Variants in SORBS2 observed in about 807,000 individuals in gnomAD.
The protein encoded by SORBS2 is sorbin and SH3 domain-containing protein 2.
Under a neutral mutation model 97.7 loss-of-function variants are expected in SORBS2, and 46 were observed. The observed-to-expected ratio is 0.47, with a 90% CI of 0.37 to 0.60. The LOEUF (loss-of-function observed/expected upper bound fraction) is 0.60. SORBS2 is among the 20% of genes least tolerant of loss of function. The probability of loss-of-function intolerance (pLI) is 0.00; values close to 1 mark genes in which losing one functional copy is unlikely to be tolerated. For missense variants in SORBS2, 1,316 were observed against 1,282.3 expected (o/e 1.03, Z -0.40); for synonymous variants, 476 against 473.4 (o/e 1.01, Z -0.07).
intron 2 of SORBS2, among the ~76,000 whole-genome samples, chr4:185,706,268 A>G (rs548588737): frequency 1.9e-4 from 29 of 152,330 alleles, no homozygotes; most frequent in African/African-American, 7.0e-4. Flanking sequence ...TAATACAAAT[A>G]TTCATTTTAG....
intron 1 of SORBS2, among the ~76,000 whole-genome samples, chr4:185,840,019 G>A (rs1317267364): frequency 1.3e-5 from 2 of 152,104 alleles, no homozygotes; most frequent in African/African-American, 4.8e-5. Flanking sequence ...AGTGGAAAGA[G>A]AGGAGAGGAG....
At chr4:185,843,396 G>A (rs975275754) in intron 1 of SORBS2, among the ~76,000 whole-genome samples, 8 of 152,072 alleles carry the variant, frequency 5.3e-5, no homozygotes, top group Non-Finnish European at 7.4e-5. Context: ...TAGAATAAAA[G>A]AGAAATAAAA....
intron 1 of SORBS2, among the ~76,000 whole-genome samples, chr4:185,787,310 G>A (rs1261254868): frequency 6.6e-6 from 1 of 152,178 alleles, no homozygotes; most frequent in African/African-American, 2.4e-5. Context: ...GGCTTGACTT[G>A]TTTAAGTGAA....
chr4:185,894,683 C>A (rs1002172380), intron 1 of SORBS2, among the ~76,000 whole-genome samples: 2 of 152,158 alleles, frequency 1.3e-5, no homozygotes, highest in African/African-American at 4.8e-5. Flanking sequence ...TGAGGTTCAG[C>A]CAATCAGCTC....
At chr4:185,726,997 A>G (rs1440493767) in intron 2 of SORBS2, among the ~76,000 whole-genome samples, 1 of 152,180 alleles carries the variant, frequency 6.6e-6, no homozygotes, top group Non-Finnish European at 1.5e-5. Flanking sequence ...CAGAGAATCA[A>G]CTACAGTGTA....
At chr4:185,693,799 C>T (rs79870297) in intron 2 of SORBS2, among the ~76,000 whole-genome samples, 25,954 of 152,100 alleles carry the variant, frequency 0.17, 2,844 homozygotes, top group South Asian at 0.35. Flanking sequence ...GTTATCAACA[C>T]CTATTGTTTG....
At chr4:185,916,000 G>C (rs1253989894) in intron 1 of SORBS2, among the ~76,000 whole-genome samples, 1 of 152,178 alleles carries the variant, frequency 6.6e-6, no homozygotes, top group Non-Finnish European at 1.5e-5. Flanking sequence ...TCAACGATCT[G>C]TATGAACTTG....
chr4:185,607,307 A>G lies in SORBS2; in HGVS notation c.2796+4473T>C. 1 of 1,286,574 alleles carries G rather than the reference A, an allele frequency of 7.8e-7. No individual in the cohort carries two copies. Among genetic ancestry groups the G allele is most frequent in the Non-Finnish European group, 1.0e-6 (1 of 987,352 alleles). The allele number at this position is 1,286,574 out of a possible 1,614,324, so 79.7% of individuals were successfully genotyped here. A position where few individuals can be genotyped will look rare whatever the true frequency, so the allele number is the denominator to read the frequency against. On this transcript the variant is annotated intron_variant, in intron 12 of 14. Coordinates refer to ENST00000418609, the Ensembl canonical transcript of SORBS2. The surrounding 1 kb of genome is among the most constrained non-coding windows in gnomAD (Gnocchi z 5.2). Reference sequence around the variant, plus strand: ...AGAGCTCCTTTATCTGAGCCAGGTGAGACTTTGTGGGTGGGAGGAGGGGCT... The same window carrying G: ...AGAGCTCCTTTATCTGAGCCAGGTGGGACTTTGTGGGTGGGAGGAGGGGCT...
exon 12 of SORBS2, chr4:185,611,929 T>C (rs932493574): frequency 1.9e-6 from 3 of 1,613,928 alleles, no homozygotes; most frequent in Non-Finnish European, 2.5e-6. Flanking sequence ...CCTGGGATTT[T>C]ACCTTCATAC....
intron 1 of SORBS2, among the ~76,000 whole-genome samples, chr4:185,916,007 C>T (rs2099257957): frequency 6.6e-6 from 1 of 152,026 alleles, no homozygotes; most frequent in Non-Finnish European, 1.5e-5. Context: ...TCTGTATGAA[C>T]TTGTATAGGA....
chr4:185,801,805 T>G (rs1408949946), intron 1 of SORBS2, among the ~76,000 whole-genome samples: 1 of 152,206 alleles, frequency 6.6e-6, no homozygotes, highest in Admixed American at 6.5e-5. Flanking sequence ...CATCTCAAAG[T>G]TGGCCACTGA....
At chr4:185,682,517 G>A (rs1479479310) in intron 2 of SORBS2, among the ~76,000 whole-genome samples, 2 of 152,254 alleles carry the variant, frequency 1.3e-5, no homozygotes, top group East Asian at 3.9e-4. Flanking sequence ...AGAAGGGAGT[G>A]AAAATGGCTT....
intron 1 of SORBS2, among the ~76,000 whole-genome samples, chr4:185,854,352 C>A (rs981945696): frequency 1.3e-5 from 2 of 152,154 alleles, no homozygotes; most frequent in African/African-American, 2.4e-5. Flanking sequence ...AACTTCTTCA[C>A]CACATCTTCT....
At chr4:185,705,068 A>T (rs1124024) in intron 2 of SORBS2, among the ~76,000 whole-genome samples, 9 of 152,150 alleles carry the variant, frequency 5.9e-5, no homozygotes, top group African/African-American at 2.2e-4. Flanking sequence ...ACACAAACAC[A>T]TGTGCCCATG....
chr4:185,677,405 A>G (rs1346611836), intron 4 of SORBS2: 1 of 1,552,294 alleles, frequency 6.4e-7, no homozygotes, highest in African/African-American at 1.4e-5. Context: ...GTAGTGGATT[A>G]GTGATTTTTT....
intron 1 of SORBS2, among the ~76,000 whole-genome samples, chr4:185,654,429 A>T (rs1581914310): frequency 6.6e-6 from 1 of 152,348 alleles, no homozygotes; most frequent in Admixed American, 6.5e-5. Context: ...AAGGAAGCCT[A>T]CTAAGTAAGT....
chr4:185,741,625 A>C (rs1342923151), intron 2 of SORBS2, among the ~76,000 whole-genome samples: 3 of 151,298 alleles, frequency 2.0e-5, no homozygotes, highest in Non-Finnish European at 2.9e-5. Context: ...TGGCCTCCCA[A>C]AGTGCTGGGA....
intron 1 of SORBS2, among the ~76,000 whole-genome samples, chr4:185,921,722 C>T (rs187337851): frequency 1.1e-3 from 174 of 152,306 alleles, no homozygotes; most frequent in Non-Finnish European, 1.9e-3. Flanking sequence ...CCCTATCAGC[C>T]GACCACAACG....
intron 2 of SORBS2, among the ~76,000 whole-genome samples, chr4:185,766,694 A>G (rs2098935954): frequency 6.6e-6 from 1 of 152,166 alleles, no homozygotes; most frequent in Non-Finnish European, 1.5e-5. Context: ...TTCAATACCA[A>G]TCGAATTTTT....
Sources: gnomAD v4.1 joint callset for allele counts (sites outside exome capture counted in the v4.1 genomes callset) on GRCh38, gnomAD v4.1.1 for gene constraint, Gnocchi (gnomAD v3.1) non-coding constraint, MANE v1.5 for transcripts, NCBI Gene and HGNC (gene_info 2026-07-23, HGNC 2026-07-21) for gene names.